The following PDE9A variants were observed in gnomAD, a reference collection of about 807,000 sequenced individuals.
The protein encoded by PDE9A is high affinity cGMP-specific 3',5'-cyclic phosphodiesterase 9A.
In PDE9A, 60 loss-of-function variants were observed where a neutral mutation model predicts 87.4. The observed-to-expected ratio is 0.69, with a 90% CI of 0.56 to 0.85. The LOEUF is 0.85. Ranked by LOEUF, PDE9A falls within the 40% of genes least tolerant of loss-of-function variation. PDE9A has a pLI of 0.00. For missense variants in PDE9A, 665 were observed against 779.0 expected, an observed-to-expected ratio of 0.85 and a Z score of 1.74; for synonymous variants, 272 against 279.4, an observed-to-expected ratio of 0.97 and a Z score of 0.27.
chr21:42,686,388 C>T lies in PDE9A; in HGVS notation c.140+126C>T, dbSNP rs60784969. The T allele has an allele frequency of 3.8e-5, 27 of 712,762 alleles. No individual in the cohort carries two copies. The Admixed American group carries it at 5.7e-4, about 15-fold the overall frequency. The allele number at this position is 712,762 out of a possible 1,614,324, so 44.2% of individuals were successfully genotyped here. On this transcript the variant is annotated intron_variant, in intron 2 of 19. Transcript: ENST00000291539. Reference sequence around the variant, plus strand: ...CACCGGCCTTCTACAAGGGGCTCTTCGAAATCAATCAATGCGCAGAATCCC... The same window carrying T: ...CACCGGCCTTCTACAAGGGGCTCTTTGAAATCAATCAATGCGCAGAATCCC...
At chr21:42,662,779 A>C (rs1267731391) in intron 1 of PDE9A, among the ~76,000 whole-genome samples, 2 of 109,284 alleles carry the variant, frequency 1.8e-5, no homozygotes, top group Admixed American at 8.2e-5. Context: ...GACACACACC[A>C]CACACACACA....
intron 7 of PDE9A, among the ~76,000 whole-genome samples, chr21:42,738,739 G>A (rs2052756762): frequency 6.6e-6 from 1 of 152,180 alleles, no homozygotes; most frequent in Non-Finnish European, 1.5e-5. Flanking sequence ...GCAGTGGAGT[G>A]CAGTGGTGTG....
chr21:42,774,288 C>G (rs2057326061), intron 19 of PDE9A, among the ~76,000 whole-genome samples: 2 of 152,176 alleles, frequency 1.3e-5, no homozygotes, highest in Non-Finnish European at 2.9e-5. Context: ...GCATCCAACA[C>G]ACCTGGTTTT....
At position 42,731,832 on chromosome 21, in the gene PDE9A, A is replaced by C. The variant is rs746362330; in HGVS notation, c.325A>C (p.Arg109=). 3.7e-6 allele frequency: 6 copies of C among 1,614,134 alleles called. No homozygotes were observed. The highest frequency in any genetic ancestry group is 5.1e-6 in the Non-Finnish European group (6 of 1,180,050). Residue 109 remains arginine (R), a synonymous_variant, in exon 5 of 20, where the codon AGA becomes CGA. Transcript: ENST00000291539. ...GQSAERPLRD[R]RVVGLEQPRR... ...GTCTGCTGAGAGACCACTGAGGGAC[A>C]GACGGGTTGTGGGCCTGGAGCAGCC...
At chr21:42,668,160 G>A (rs920752849) in intron 1 of PDE9A, among the ~76,000 whole-genome samples, 3 of 152,112 alleles carry the variant, frequency 2.0e-5, no homozygotes, top group East Asian at 1.9e-4. Flanking sequence ...AAGGGGCTGC[G>A]TGCTGAGAGA....
chr21:42,686,754 G>A (rs1449307286), intron 2 of PDE9A, among the ~76,000 whole-genome samples: 2 of 152,318 alleles, frequency 1.3e-5, no homozygotes, highest in East Asian at 3.9e-4. Flanking sequence ...GGCAGAGGTT[G>A]TAGTGAGCTG....
chr21:42,770,323 C>T (rs2056914517), intron 17 of PDE9A, among the ~76,000 whole-genome samples: 1 of 152,162 alleles, frequency 6.6e-6, no homozygotes, highest in Non-Finnish European at 1.5e-5. Context: ...TCCTACGCTG[C>T]GCATCCTTCT....
Position 42,719,675 on chromosome 21 carries a change from G to C in PDE9A, c.263-12095G>C, listed in dbSNP as rs538936156. Among the ~76,000 whole-genome samples, 146 of 145,282 alleles carry C rather than the reference G, an allele frequency of 1.0e-3. 3 individuals are homozygous for C. Among genetic ancestry groups the C allele is most frequent in the Non-Finnish European group, 1.2e-3 (77 of 64,600 alleles). Reference sequence around the variant, plus strand: ...AAAAAAAAAAAAGAAATATTCCTTCGTTCTTTTATAGGAGCATAGTACTTC... The same window carrying C: ...AAAAAAAAAAAAGAAATATTCCTTCCTTCTTTTATAGGAGCATAGTACTTC... On this transcript the variant is annotated intron_variant, in intron 4 of 19. Coordinates refer to ENST00000291539, the MANE Select transcript of PDE9A (RefSeq NM_002606.3).
chr21:42,669,904 T>C (rs1382495279), intron 1 of PDE9A, among the ~76,000 whole-genome samples: 2 of 152,154 alleles, frequency 1.3e-5, no homozygotes, highest in African/African-American at 2.4e-5. Context: ...AGTGTGACCG[T>C]GCCTTCTAGA....
intron 1 of PDE9A, among the ~76,000 whole-genome samples, chr21:42,673,244 C>A (rs2058660623): frequency 6.6e-6 from 1 of 152,206 alleles, no homozygotes; most frequent in Admixed American, 6.5e-5. Context: ...CACCTCCTCT[C>A]TTCCTACTCC....
At chr21:42,668,955 G>A (rs1350257203) in intron 1 of PDE9A, among the ~76,000 whole-genome samples, 2 of 144,732 alleles carry the variant, frequency 1.4e-5, no homozygotes, top group Admixed American at 6.9e-5. Flanking sequence ...TCTGGCCAGC[G>A]GCTGAGCCCT....
chr21:42,732,948 TTAAC>T (rs763583403), intron 6 of PDE9A, among the ~76,000 whole-genome samples: 1 of 152,170 alleles, frequency 6.6e-6, no homozygotes, highest in African/African-American at 2.4e-5. Context: ...TTTGAATTGT[TTAAC>T]TGACTGGGTT....
Position 42,731,923 on chromosome 21 carries a change from A to G in PDE9A, c.416A>G (p.Tyr139Cys), listed in dbSNP as rs2051810579. 6.2e-7 allele frequency: 1 copy of G among 1,614,006 alleles called. No individual in the cohort carries two copies. The highest frequency in any genetic ancestry group is 8.5e-7 in the Non-Finnish European group (1 of 1,179,894). Residue 139 changes from tyrosine (Y) to cysteine (C), a missense_variant, in exon 5 of 20, where the codon TAC (tyrosine) becomes TGC (cysteine). Physicochemically the swap from Tyr to Cys is radical, Grantham distance 194. Coordinates refer to ENST00000291539, the MANE Select transcript of PDE9A (RefSeq NM_002606.3). Reference sequence around the variant, plus strand: ...AGGCCCAGAGAGCCCCAGGGCTGCTACCAGGAAGGCCAGCGCATCCCTCCA... The same window carrying G: ...AGGCCCAGAGAGCCCCAGGGCTGCTGCCAGGAAGGCCAGCGCATCCCTCCA... ...EPRPREPQGCYQEGQRIPPER... is the reference protein window; with the variant it reads ...EPRPREPQGCCQEGQRIPPER...
At chr21:42,688,693 G>C (rs749668128) in intron 3 of PDE9A, among the ~76,000 whole-genome samples, 1 of 152,212 alleles carries the variant, frequency 6.6e-6, no homozygotes, top group Non-Finnish European at 1.5e-5. Flanking sequence ...GGGGCGGGGC[G>C]TGCGACCTCA....
rs2057431932 is a variant in PDE9A, at chr21:42,660,874, C to T, written c.69+6991C>T. ...GAACCCATCCCTGACTGCCTGTCTC[C>T]CCCCTCACCCTGACCACATCTCCCC... On this transcript the variant is annotated intron_variant, in intron 1 of 19. Coordinates refer to ENST00000291539, the MANE Select transcript of PDE9A (RefSeq NM_002606.3). This position sits in a 1 kb window ranked among gnomAD's most constrained non-coding sequence, Gnocchi z 4.7. 6.6e-6 allele frequency among the ~76,000 whole-genome samples: 1 copy of T among 152,068 alleles called. No individual in the cohort carries two copies. The highest frequency in any genetic ancestry group is 2.4e-5 in the African/African-American group (1 of 41,392).
intron 4 of PDE9A, among the ~76,000 whole-genome samples, chr21:42,712,402 T>G (rs55971107): frequency 0.19 from 28,817 of 152,160 alleles, 3,074 homozygotes; most frequent in East Asian, 0.38. Flanking sequence ...ATTCATTGGT[T>G]AGTTCTAGTT....
intron 3 of PDE9A, chr21:42,690,196 C>T (rs28579010): frequency 0.28 from 70,261 of 253,058 alleles, 18,496 homozygotes; most frequent in East Asian, 0.88. Context: ...CGGATGAGGA[C>T]ACAGGTGGAG....
intron 1 of PDE9A, among the ~76,000 whole-genome samples, chr21:42,668,891 T>TCCCCCC (rs1569112468): frequency 5.5e-5 from 6 of 108,720 alleles, no homozygotes; most frequent in African/African-American, 2.5e-4. Context: ...TCAGAGCTGC[T>TCCCCCC]CCCTCCACCC....
chr21:42,662,706 ACG>A (rs2057619788), intron 1 of PDE9A, among the ~76,000 whole-genome samples: 1 of 144,306 alleles, frequency 6.9e-6, no homozygotes, highest in African/African-American at 2.6e-5. Flanking sequence ...CACCATGCAC[ACG>A]CACATCACAC....
Sources: gnomAD v4.1 joint callset for allele counts (sites outside exome capture counted in the v4.1 genomes callset) on GRCh38, gnomAD v4.1.1 for gene constraint, Gnocchi (gnomAD v3.1) non-coding constraint, MANE v1.5 for transcripts, NCBI Gene and HGNC (gene_info 2026-07-23, HGNC 2026-07-21) for gene names.